CPE: variants seen among roughly 807,000 people sequenced by gnomAD.
CPE encodes carbocypeptidase E.
CPE carries 17 observed loss-of-function variants against 53.5 expected under a neutral mutation model. The ratio of observed to expected loss-of-function variants is 0.32; its 90% CI spans 0.22 to 0.48. The LOEUF (loss-of-function observed/expected upper bound fraction) is 0.48. Among genes scored for constraint, CPE ranks in the 20% least tolerant of loss-of-function variants. The pLI, the probability that CPE is intolerant of heterozygous loss-of-function variation, is 0.99. For missense variants in CPE, 524 were observed against 614.7 expected, an observed-to-expected ratio of 0.85 and a Z score of 1.56; for synonymous variants, 226 against 228.8, an observed-to-expected ratio of 0.99 and a Z score of 0.11.
chr4:165,440,199 A>C (rs1731583641), intron 1 of CPE, among the ~76,000 whole-genome samples: 1 of 152,188 alleles, frequency 6.6e-6, no homozygotes, highest in Admixed American at 6.5e-5. Flanking sequence ...TTTAACCAGA[A>C]AAACTCCTAA....
At chr4:165,420,418 G>A (rs1349457401) in intron 1 of CPE, among the ~76,000 whole-genome samples, 1 of 151,940 alleles carries the variant, frequency 6.6e-6, no homozygotes, top group African/African-American at 2.4e-5. Flanking sequence ...ACTTGTTATT[G>A]TTGGAGTAAA....
chr4:165,404,298 T>A (rs1366040870), intron 1 of CPE: 19 of 771,118 alleles, frequency 2.5e-5, no homozygotes, highest in Non-Finnish European at 4.4e-5. Flanking sequence ...TGCGGGCACG[T>A]GACTGCCTCA....
chr4:165,405,251 A>T, intron 1 of CPE: 2 of 871,732 alleles, frequency 2.3e-6, no homozygotes, highest in Non-Finnish European at 4.0e-6. Context: ...TGCTCCCATC[A>T]TCCCTGCACC....
rs552497218 is a variant in CPE at position 165,434,954 on chromosome 4, G to A, written c.308-29436G>A. Among the ~76,000 whole-genome samples the A allele has an allele frequency of 2.6e-5, 4 of 152,172 alleles. No individual in the cohort carries two copies. The East Asian group carries it at 5.8e-4, about 22-fold the overall frequency. ...CCTCAAAACCTGTTGTTAAAAAAAA[G>A]CCTGGCACCTCCCTTCTTTTGCTCT... On this transcript the variant is annotated intron_variant, in intron 1 of 8. Coordinates refer to ENST00000402744, the MANE Select transcript of CPE (RefSeq NM_001873.4).
At chr4:165,391,811 G>A (rs534273003) in intron 1 of CPE, among the ~76,000 whole-genome samples, 3 of 152,032 alleles carry the variant, frequency 2.0e-5, no homozygotes, top group Non-Finnish European at 4.4e-5. Context: ...TTGTATGAAG[G>A]TATTGACTCT....
chr4:165,382,881 T>G (rs1409254663), intron 1 of CPE, among the ~76,000 whole-genome samples: 1 of 152,222 alleles, frequency 6.6e-6, no homozygotes, highest in Admixed American at 6.5e-5. Context: ...AATTCCATTT[T>G]GAATTGGTCA....
chr4:165,379,221 G>T lies in CPE; in HGVS notation c.-1G>T. ...ACGGCCGGCGGCGGCGGAGCGCAGC[G>T]ATGGCCGGGCGAGGGGGCAGCGCGC... On this transcript the variant is annotated 5_prime_UTR_variant, in exon 1 of 9. Coordinates refer to ENST00000402744, the MANE Select transcript of CPE (RefSeq NM_001873.4). This position sits in a 1 kb window ranked among gnomAD's most constrained non-coding sequence, Gnocchi z 6.0. The T allele has an allele frequency of 8.1e-7, 1 of 1,230,372 alleles. No individual in the cohort carries two copies. Among genetic ancestry groups the T allele is most frequent in the Non-Finnish European group, 1.0e-6 (1 of 989,010 alleles). The allele number at this position is 1,230,372 out of a possible 1,614,324, so 76.2% of individuals were successfully genotyped here.
intron 1 of CPE, among the ~76,000 whole-genome samples, chr4:165,449,032 G>T (rs541834709): frequency 8.5e-4 from 129 of 152,314 alleles, no homozygotes; most frequent in African/African-American, 3.0e-3. Flanking sequence ...GTGTGTTTGT[G>T]TGCACACAGG....
intron 4 of CPE, 53 bp downstream of exon 4, chr4:165,482,412 AG>A: frequency 8.0e-7 from 1 of 1,244,258 alleles, no homozygotes; most frequent in Non-Finnish European, 1.2e-6. Flanking sequence ...ACACTGTACA[AG>A]GTTTTATAAG....
chr4:165,393,884 CT>C (rs781521483), intron 1 of CPE, among the ~76,000 whole-genome samples: 3 of 152,268 alleles, frequency 2.0e-5, no homozygotes, highest in Non-Finnish European at 4.4e-5. Flanking sequence ...CTCCAGCACA[CT>C]GTAAGTACCT....
chr4:165,452,232 G>C (rs538747901), intron 1 of CPE, among the ~76,000 whole-genome samples: 2 of 152,122 alleles, frequency 1.3e-5, no homozygotes, highest in African/African-American at 4.8e-5. Context: ...CAACACTACC[G>C]TCGGTAAATT....
At chr4:165,426,186 A>G (rs149970799) in intron 1 of CPE, among the ~76,000 whole-genome samples, 95 of 152,328 alleles carry the variant, frequency 6.2e-4, no homozygotes, top group African/African-American at 2.2e-3. Context: ...ATCTATAAAT[A>G]CTGTTCCTTC....
intron 1 of CPE, among the ~76,000 whole-genome samples, chr4:165,440,361 T>A (rs1731586427): frequency 6.6e-6 from 1 of 151,850 alleles, no homozygotes; most frequent in Non-Finnish European, 1.5e-5. Context: ...ATGTTGGCAA[T>A]ATGGAAGTGT....
intron 1 of CPE, among the ~76,000 whole-genome samples, chr4:165,407,761 G>A (rs1318277586): frequency 6.6e-6 from 1 of 151,742 alleles, no homozygotes; most frequent in African/African-American, 2.4e-5. Flanking sequence ...TTGCCATGTT[G>A]GCCAGGCTGG....
chr4:165,460,527 G>A (rs1455240390), intron 1 of CPE, among the ~76,000 whole-genome samples: 2 of 152,090 alleles, frequency 1.3e-5, no homozygotes, highest in African/African-American at 2.4e-5. Flanking sequence ...CTAGAGCAAT[G>A]AGCCATTGAG....
At chr4:165,397,135 AAGTT>A (rs1730780091) in intron 1 of CPE, among the ~76,000 whole-genome samples, 1 of 152,166 alleles carries the variant, frequency 6.6e-6, no homozygotes, top group Non-Finnish European at 1.5e-5. Context: ...AACACAGAGA[AAGTT>A]AGAAAATAAA....
intron 1 of CPE, among the ~76,000 whole-genome samples, chr4:165,422,337 T>A (rs1294999234): frequency 7.0e-6 from 1 of 143,568 alleles, no homozygotes; most frequent in Middle Eastern, 3.5e-3. Context: ...TTTAATTATT[T>A]TTTATCTATT....
intron 1 of CPE, chr4:165,404,397 C>G (rs369974818): frequency 1.3e-6 from 1 of 764,550 alleles, no homozygotes; most frequent in East Asian, 2.4e-5. Context: ...GCTAAAATAC[C>G]GTTCATGTCA....
intron 1 of CPE, among the ~76,000 whole-genome samples, chr4:165,439,837 A>G (rs1027013603): frequency 6.6e-6 from 1 of 152,182 alleles, no homozygotes. Flanking sequence ...CATTCTGGAT[A>G]AAATCATGTT....
Sources: allele counts gnomAD v4.1 joint callset (sites outside exome capture counted in the v4.1 genomes callset), GRCh38; gene constraint gnomAD v4.1.1; non-coding constraint Gnocchi (gnomAD v3.1); transcripts MANE v1.5; gene names NCBI Gene and HGNC (gene_info 2026-07-23, HGNC 2026-07-21).